RAP1B: variants seen among roughly 807,000 people sequenced by gnomAD.
The protein encoded by RAP1B is RAP1B, member of RAS oncogene family, also known as ras-related protein Rap-1b.
RAP1B carries 1 observed loss-of-function variant against 27.5 expected under a neutral mutation model. The ratio of observed to expected loss-of-function variants is 0.04; its 90% confidence interval spans 0.01 to 0.17. RAP1B has a LOEUF of 0.17. RAP1B is among the 10% of genes least tolerant of loss of function. The pLI is 1.00. For missense variants in RAP1B, 84 were observed against 214.8 expected (o/e 0.39, Z 3.81); for synonymous variants, 75 against 73.1 (o/e 1.03, Z -0.13).
At chr12:68,656,659 C>T (rs1433927885) in intron 6 of RAP1B, 1 of 580,284 alleles carries the variant, frequency 1.7e-6, no homozygotes, top group Admixed American at 3.5e-5. Context: ...TGATATTTAC[C>T]ATGAAAAAGG....
At chr12:68,624,042 G>A (rs922725455) in intron 1 of RAP1B, among the ~76,000 whole-genome samples, 2 of 151,590 alleles carry the variant, frequency 1.3e-5, no homozygotes, top group African/African-American at 4.8e-5. Flanking sequence ...AAAAAAAAGA[G>A]AGAGAGAAGA....
At chr12:68,638,017 A>G (rs991856258) in intron 1 of RAP1B, among the ~76,000 whole-genome samples, 4 of 152,194 alleles carry the variant, frequency 2.6e-5, no homozygotes, top group African/African-American at 9.6e-5. Context: ...TAACTGGATT[A>G]ATACAAATTT....
At chr12:68,644,787 C>A (rs1873282082) in intron 1 of RAP1B, among the ~76,000 whole-genome samples, 1 of 143,456 alleles carries the variant, frequency 7.0e-6, no homozygotes, top group Non-Finnish European at 1.5e-5. Context: ...CTCCTGGGTT[C>A]AAGCAGTTCT....
chr12:68,643,013 C>T, intron 1 of RAP1B: 2 of 779,822 alleles, frequency 2.6e-6, no homozygotes, highest in South Asian at 2.7e-5. Flanking sequence ...CTTCACCGAC[C>T]CTGGCTGCCC....
chr12:68,649,693 A>T (rs150047203), intron 2 of RAP1B: 1 of 152,244 alleles, frequency 6.6e-6, no homozygotes, highest in Non-Finnish European at 1.5e-5. Flanking sequence ...AGAAGTACAT[A>T]CAATGTGAAA....
chr12:68,629,026 T>G (rs1051507603), intron 1 of RAP1B, among the ~76,000 whole-genome samples: 38 of 152,068 alleles, frequency 2.5e-4, no homozygotes, highest in Non-Finnish European at 4.4e-5. Flanking sequence ...TGTCTGTCTG[T>G]CTGTCTCTGT....
At chr12:68,655,681 G>C (rs186086274) in intron 5 of RAP1B, among the ~76,000 whole-genome samples, 1 of 151,942 alleles carries the variant, frequency 6.6e-6, no homozygotes, top group Non-Finnish European at 1.5e-5. Context: ...AATTACAGGC[G>C]TGTGTCACCA....
At chr12:68,646,962 T>C (rs1413251273) in intron 1 of RAP1B, among the ~76,000 whole-genome samples, 3 of 152,236 alleles carry the variant, frequency 2.0e-5, no homozygotes, top group Non-Finnish European at 4.4e-5. Context: ...CCTGAACCCA[T>C]ATACAAAAAG....
chr12:68,632,152 T>TG (rs1872308580), intron 1 of RAP1B, among the ~76,000 whole-genome samples: 1 of 148,726 alleles, frequency 6.7e-6, no homozygotes, highest in African/African-American at 2.5e-5. Flanking sequence ...TTTTGTTTGT[T>TG]TTTTTTTTCC....
chr12:68,662,492 CG>C lies in RAP1B; in HGVS notation c.*3244del, dbSNP rs1565677662. 2 of 151,116 alleles carry C rather than the reference CG, an allele frequency of 1.3e-5. No homozygotes were observed. The highest frequency in any genetic ancestry group is 2.9e-5 in the Non-Finnish European group (2 of 67,824). 9.4% of individuals were successfully genotyped at this position (151,116 alleles called of 1,614,324 possible). ...TTCCATTTATAAAATGAAGTTTTGC[CG>C]TTTTTTTTTTTAAATCATTCCGTCT... On this transcript the variant is annotated 3_prime_UTR_variant, in exon 8 of 8. Transcript: ENST00000250559.
At chr12:68,626,498 T>C (rs1871791803) in intron 1 of RAP1B, among the ~76,000 whole-genome samples, 1 of 152,114 alleles carries the variant, frequency 6.6e-6, no homozygotes, top group Non-Finnish European at 1.5e-5. Context: ...ATAACCTCTT[T>C]CCCCCCAGTC....
chr12:68,648,986 A>G (rs192258381), intron 2 of RAP1B: 30 of 506,954 alleles, frequency 5.9e-5, no homozygotes, highest in African/African-American at 4.7e-4. Context: ...CCAGAATGAC[A>G]CGAGTTATGC....
At chr12:68,614,873 T>C (rs1870869755) in intron 1 of RAP1B, among the ~76,000 whole-genome samples, 1 of 152,224 alleles carries the variant, frequency 6.6e-6, no homozygotes, top group Non-Finnish European at 1.5e-5. Context: ...TTAAGTTCTT[T>C]GTAAATCTCA....
In RAP1B at chr12:68,661,091, G is replaced by C. The variant is rs1261739117; in HGVS notation, c.*1842G>C. 1 of 152,150 alleles carries C rather than the reference G, an allele frequency of 6.6e-6. No homozygotes were observed. Among genetic ancestry groups the C allele is most frequent in the Non-Finnish European group, 1.5e-5 (1 of 68,018 alleles). The allele number at this position is 152,150 out of a possible 1,614,324, so 9.4% of individuals were successfully genotyped here. On this transcript the variant is annotated 3_prime_UTR_variant, in exon 8 of 8. Coordinates refer to ENST00000250559, the MANE Select transcript of RAP1B (RefSeq NM_001010942.3). Reference sequence around the variant, plus strand: ...TGCCAGCTACTGGAGCAATTAATCAGTGATAATATCTAATAGAGGGGTATC... The same window carrying C: ...TGCCAGCTACTGGAGCAATTAATCACTGATAATATCTAATAGAGGGGTATC...
chr12:68,664,432 GC>G lies in RAP1B; in HGVS notation c.*5184del, dbSNP rs1209606321. 4.6e-5 allele frequency: 7 copies of G among 152,266 alleles called. No individual in the cohort carries two copies. 9.4% of individuals were successfully genotyped at this position (152,266 alleles called of 1,614,324 possible). A position where few individuals can be genotyped will look rare whatever the true frequency, so the allele number is the denominator to read the frequency against. ...AAATGATATAATCCAGTCTGGCCTG[GC>G]ATGGTGGCTCACACTTGTAATCCCA... On this transcript the variant is annotated 3_prime_UTR_variant, in exon 8 of 8. Transcript: ENST00000250559.
At chr12:68,647,515 C>T (rs1565670622) in intron 1 of RAP1B, among the ~76,000 whole-genome samples, 1 of 151,060 alleles carries the variant, frequency 6.6e-6, no homozygotes. Flanking sequence ...GCCACCACAT[C>T]TGGCCGAGTT....
chr12:68,652,540 C>T (rs184275069), intron 4 of RAP1B, among the ~76,000 whole-genome samples: 5 of 151,848 alleles, frequency 3.3e-5, no homozygotes, highest in East Asian at 3.9e-4. Context: ...ATTGGCCGGG[C>T]GCAGTGGCTC....
chr12:68,623,725 T>C (rs1871543993), intron 1 of RAP1B, among the ~76,000 whole-genome samples: 1 of 152,236 alleles, frequency 6.6e-6, no homozygotes, highest in African/African-American at 2.4e-5. Context: ...AGAATTTCTA[T>C]AAGAAGTCGG....
chr12:68,620,014 A>G (rs1871282376), intron 1 of RAP1B, among the ~76,000 whole-genome samples: 1 of 152,096 alleles, frequency 6.6e-6, no homozygotes, highest in African/African-American at 2.4e-5. Flanking sequence ...TCTCAGTTTT[A>G]AAATATTTGA....
Sources: gnomAD v4.1 joint callset for allele counts (sites outside exome capture counted in the v4.1 genomes callset) on GRCh38, gnomAD v4.1.1 for gene constraint, MANE v1.5 for transcripts, NCBI Gene and HGNC (gene_info 2026-07-23, HGNC 2026-07-21) for gene names.